Variants in VEGFD observed in about 807,000 individuals in gnomAD.
The protein encoded by VEGFD is c-fos induced growth factor (vascular endothelial growth factor D).
In VEGFD, 26 loss-of-function variants were observed where a neutral mutation model predicts 28.0. That is an observed-to-expected ratio of 0.93 (90% CI 0.68 to 1.29). VEGFD has a LOEUF of 1.29. VEGFD is among the 50% of genes most tolerant of loss of function. The pLI is 0.00. For synonymous variants in VEGFD, 93 were observed against 95.5 expected, an observed-to-expected ratio of 0.97 and a Z score of 0.15; for missense variants, 294 against 273.4, an observed-to-expected ratio of 1.08 and a Z score of -0.53.
intron 1 of VEGFD, 22 bp from the exon 2 acceptor site, chrX:15,363,341 G>C (rs748255056): frequency 1.2e-5 from 14 of 1,146,762 alleles, no homozygotes; most frequent in Non-Finnish European, 1.5e-5. Context: ...AAAAATACCA[G>C]TTTAAAAACA....
chrX:15,377,866 T>C (rs962004879), intron 1 of VEGFD, among the ~76,000 whole-genome samples: 1 of 111,768 alleles, frequency 8.9e-6, no homozygotes, highest in Non-Finnish European at 1.9e-5. Flanking sequence ...TGACCCCAGA[T>C]GAACCAGGCT....
chrX:15,375,696 A>AGTGTGTGTGTGAATGT (rs1385583540), intron 1 of VEGFD, among the ~76,000 whole-genome samples: 77 of 111,726 alleles, frequency 6.9e-4, no homozygotes, highest in African/African-American at 1.4e-3. Context: ...GCAGGAAAAG[A>AGTGTGTGTGTGAATGT]GTGTGTGTGT....
At chrX:15,350,670 CCT>C (rs900382367) in intron 5 of VEGFD, among the ~76,000 whole-genome samples, 1 of 112,320 alleles carries the variant, frequency 8.9e-6, no homozygotes, top group African/African-American at 3.2e-5. Context: ...TCAGCTAGAG[CCT>C]TTAAGCTCTA....
At chrX:15,368,378 C>T (rs6629042) in intron 1 of VEGFD, among the ~76,000 whole-genome samples, 6,039 of 112,197 alleles carry the variant, frequency 0.054, 153 homozygotes, top group South Asian at 0.11. Context: ...TACTCAAGTA[C>T]TCAGAGTTAT....
intron 1 of VEGFD, among the ~76,000 whole-genome samples, chrX:15,369,910 T>C (rs922846693): frequency 3.6e-5 from 4 of 112,415 alleles, no homozygotes; most frequent in African/African-American, 1.3e-4. Context: ...ATGAAAAATG[T>C]TGCATAGTTG....
intron 6 of VEGFD, among the ~76,000 whole-genome samples, chrX:15,346,465 T>C (rs1922550812): frequency 8.9e-6 from 1 of 111,991 alleles, no homozygotes; most frequent in Admixed American, 9.5e-5. Context: ...TTACTTGCTA[T>C]ATAAATCCAA....
chrX:15,354,348 T>C (rs1922812139), intron 4 of VEGFD, among the ~76,000 whole-genome samples: 1 of 109,057 alleles, frequency 9.2e-6, no homozygotes, highest in Non-Finnish European at 1.9e-5. Flanking sequence ...AAATGTTGCT[T>C]TTCTACAAGT....
Position 15,368,031 on chromosome X carries a change from G to GAAAGAAAGAAAGAAAGA in VEGFD, c.91-4713_91-4712insTCTTTCTTTCTTTCTTT, listed in dbSNP as rs753106829. 4.6e-3 allele frequency among the ~76,000 whole-genome samples: 123 copies of GAAAGAAAGAAAGAAAGA among 26,839 alleles called. 1 individual carries two copies. Among genetic ancestry groups the GAAAGAAAGAAAGAAAGA allele is most frequent in the South Asian group, 7.1e-3 (3 of 423 alleles). 23.3% of individuals were successfully genotyped at this position (26,839 alleles called of 115,157 possible). ...GAAAGAAAGAAAGAAAGAAAGAAAG[G>GAAAGAAAGAAAGAAAGA]AAAGAAGAAAGAAAGAAAGAAGAAA... On this transcript the variant is annotated intron_variant, in intron 1 of 6. Coordinates refer to ENST00000297904, the MANE Select transcript of VEGFD (RefSeq NM_004469.5).
chrX:15,369,030 T>C (rs1480626949), intron 1 of VEGFD, among the ~76,000 whole-genome samples: 1 of 112,005 alleles, frequency 8.9e-6, no homozygotes, highest in Non-Finnish European at 1.9e-5. Flanking sequence ...AGGGTAGTCA[T>C]TTCCCCTTTT....
At chrX:15,363,012 G>A in intron 2 of VEGFD, 97 bp downstream of exon 2, 2 of 751,732 alleles carry the variant, frequency 2.7e-6, no homozygotes, top group Non-Finnish European at 4.0e-6. Flanking sequence ...TTCTCCCTCT[G>A]ACACGTGTCT....
chrX:15,363,249 A>G lies in VEGFD; in HGVS notation c.161T>C (p.Leu54Pro). 1 of 1,211,453 alleles carries G rather than the reference A, an allele frequency of 8.3e-7. No homozygotes were observed. The highest frequency in any genetic ancestry group is 1.1e-6 in the Non-Finnish European group (1 of 895,144). The part of the protein sequence containing the change: ...IRAASSLEEL[L>P]RITHSEDWKL... ...CCAGTCCTCAGAGTGAGTAATTCGA[A>G]GTAGTTCCTCCAAACTAGAAGCAGC... is the stretch of plus-strand genomic sequence containing the variant. Residue 54 changes from leucine (L) to proline (P), a missense_variant, in exon 2 of 7, where the codon CTT (leucine) becomes CCT (proline). Physicochemically the swap from Leu to Pro is moderately conservative, Grantham distance 98. Transcript: ENST00000297904.
At chrX:15,362,969 G>A in intron 2 of VEGFD, 140 bp downstream of exon 2, 2 of 477,305 alleles carry the variant, frequency 4.2e-6, no homozygotes, top group Non-Finnish European at 7.2e-6. Flanking sequence ...TCAAGATTCT[G>A]CACTAATACT....
intron 3 of VEGFD, among the ~76,000 whole-genome samples, chrX:15,357,217 T>C (rs1922890259): frequency 8.9e-6 from 1 of 111,975 alleles, no homozygotes. Flanking sequence ...AGGGCTGAAT[T>C]ATTTCTTTCA....
rs1923653574 is a variant in VEGFD, at chrX:15,383,954, AT to A, written c.-9del. On this transcript the variant is annotated 5_prime_UTR_variant, in exon 1 of 7. Transcript: ENST00000297904. ...TACCCACTCTCTGTACATTTTGAAT[AT>A]TTCAATATCCACTGATTACTAAGCA... 1.7e-6 allele frequency: 2 copies of A among 1,151,897 alleles called. No homozygotes were observed. Among genetic ancestry groups the A allele is most frequent in the Admixed American group, 2.2e-5 (1 of 45,672 alleles). The allele number at this position is 1,151,897 out of a possible 1,213,427, so 94.9% of individuals were successfully genotyped here. A position where few individuals can be genotyped will look rare whatever the true frequency, so the allele number is the denominator to read the frequency against.
At chrX:15,376,403 G>A (rs1178557154) in intron 1 of VEGFD, among the ~76,000 whole-genome samples, 3 of 112,077 alleles carry the variant, frequency 2.7e-5, no homozygotes, top group Non-Finnish European at 5.6e-5. Flanking sequence ...GGAGACATAA[G>A]TGAGAATAAG....
chrX:15,347,236 C>G lies in VEGFD; in HGVS notation c.866G>C (p.Ser289Thr). The G allele has an allele frequency of 1.2e-5, 15 of 1,211,754 alleles. No homozygotes were observed. Among genetic ancestry groups the G allele is most frequent in the Non-Finnish European group, 1.7e-5 (15 of 895,400 alleles). Residue 289 changes from serine (S) to threonine (T), a missense_variant, in exon 6 of 7, where the codon AGT becomes ACT. Physicochemically the swap from Ser to Thr is moderately conservative, Grantham distance 58. Transcript: ENST00000297904. ...KDLIQHPKNC[S>T]CFECKESLET... is the part of the protein sequence containing the mutation. Reference sequence around the variant, plus strand: ...CAGACTTTCTTTGCACTCAAAGCAACTGCAGTTTTTGGGGTGCTGGATTAG... The same window carrying G: ...CAGACTTTCTTTGCACTCAAAGCAAGTGCAGTTTTTGGGGTGCTGGATTAG...
In VEGFD at chrX:15,384,253, G is replaced by A; in HGVS notation, c.-307C>T. 1 of 192,482 alleles carries A rather than the reference G, an allele frequency of 5.2e-6. No individual in the cohort carries two copies. Among genetic ancestry groups the A allele is most frequent in the Non-Finnish European group, 9.5e-6 (1 of 105,502 alleles). The allele number at this position is 192,482 out of a possible 1,213,427, so 15.9% of individuals were successfully genotyped here. On this transcript the variant is annotated 5_prime_UTR_variant, in exon 1 of 7. Transcript: ENST00000297904. The stretch of plus-strand genomic sequence containing the variant: ...GCACTCTAAATTTACTTCATGTCCA[G>A]AAAATTAAAAAAATCTCTCCAATGT...
At chrX:15,374,480 G>T (rs932131654) in intron 1 of VEGFD, among the ~76,000 whole-genome samples, 1 of 111,992 alleles carries the variant, frequency 8.9e-6, no homozygotes, top group African/African-American at 3.2e-5. Flanking sequence ...CCATTTATAT[G>T]ACATTCCCAA....
intron 1 of VEGFD, among the ~76,000 whole-genome samples, chrX:15,367,986 A>AAAGAAAGAAAGAAAG (rs1923191515): frequency 1.5e-5 from 1 of 66,631 alleles, no homozygotes; most frequent in Non-Finnish European, 2.6e-5. Flanking sequence ...AAGAAAAAGA[A>AAAGAAAGAAAGAAAG]AAAGAAAGAA....
Sources: allele counts gnomAD v4.1 joint callset (sites outside exome capture counted in the v4.1 genomes callset), GRCh38; gene constraint gnomAD v4.1.1; transcripts MANE v1.5; gene names NCBI Gene and HGNC (gene_info 2026-07-23, HGNC 2026-07-21).